The following PCSK5 variants were observed in gnomAD, a reference collection of about 807,000 sequenced individuals.
PCSK5 encodes the protein prohormone convertase 5.
PCSK5 carries 129 observed loss-of-function variants against 233.2 expected under a neutral mutation model. The ratio of observed to expected loss-of-function variants is 0.55; its 90% CI spans 0.48 to 0.64. PCSK5 has a LOEUF of 0.64. Among genes scored for constraint, PCSK5 ranks in the 30% least tolerant of loss-of-function variants. The pLI is 0.00. For missense variants in PCSK5, 2,076 were observed against 2,430.1 expected (o/e 0.85, Z 3.06); for synonymous variants, 825 against 879.2 (o/e 0.94, Z 1.09).
At chr9:76,014,103 A>G (rs1380524350) in intron 3 of PCSK5, among the ~76,000 whole-genome samples, 1 of 152,140 alleles carries the variant, frequency 6.6e-6, no homozygotes, top group Non-Finnish European at 1.5e-5. Flanking sequence ...GTTTCTCAGC[A>G]GATTTATGCT....
intron 3 of PCSK5, among the ~76,000 whole-genome samples, chr9:76,012,342 A>G (rs1224413112): frequency 6.6e-6 from 1 of 152,240 alleles, no homozygotes; most frequent in Non-Finnish European, 1.5e-5. Context: ...GTTCACATGA[A>G]TGAAAAAGCC....
At chr9:76,026,353 A>T (rs530899254) in intron 4 of PCSK5, among the ~76,000 whole-genome samples, 1 of 152,158 alleles carries the variant, frequency 6.6e-6, no homozygotes, top group Admixed American at 6.5e-5. Flanking sequence ...TATTAGTAGA[A>T]TGTCTAAATT....
chr9:76,244,907 G>A (rs959974812), intron 24 of PCSK5, among the ~76,000 whole-genome samples: 13 of 152,148 alleles, frequency 8.5e-5, no homozygotes, highest in African/African-American at 3.1e-4. Context: ...TCTGCTCCAA[G>A]AATATTTGAT....
intron 21 of PCSK5, 51 bp downstream of exon 21, chr9:76,227,656 G>A: frequency 8.3e-7 from 1 of 1,200,936 alleles, no homozygotes; most frequent in East Asian, 2.4e-5. Context: ...GGATTGCAGG[G>A]TGGAGAGAGG....
chr9:76,184,576 G>A, intron 16 of PCSK5, 97 bp from the exon 17 acceptor site: 1 of 720,506 alleles, frequency 1.4e-6, no homozygotes, highest in Non-Finnish European at 2.4e-6. Context: ...AAGGCCATAG[G>A]TACTGTAGCA....
chr9:76,064,921 A>G lies in PCSK5; in HGVS notation c.633-3034A>G, dbSNP rs538622733. Among the ~76,000 whole-genome samples the G allele has an allele frequency of 3.9e-5, 6 of 152,378 alleles. No individual in the cohort carries two copies. In the South Asian group the frequency reaches 1.2e-3, roughly 32 times the overall value. On this transcript the variant is annotated intron_variant, in intron 5 of 37. Transcript: ENST00000674117. ...AGGCTGGCTTTGAACTCCTGGGCTC[A>G]AGTAATCCTCCTGACTTGGCCTCCC...
At chr9:76,235,446 A>T (rs1826223862) in intron 22 of PCSK5, among the ~76,000 whole-genome samples, 1 of 152,220 alleles carries the variant, frequency 6.6e-6, no homozygotes, top group South Asian at 2.1e-4. Flanking sequence ...AACTACTTGG[A>T]CCAATCTACC....
intron 24 of PCSK5, among the ~76,000 whole-genome samples, chr9:76,258,022 G>A (rs1207099471): frequency 6.6e-6 from 1 of 152,174 alleles, no homozygotes; most frequent in Admixed American, 6.5e-5. Context: ...ACCCAAGGAT[G>A]TCTACCTCTC....
intron 3 of PCSK5, among the ~76,000 whole-genome samples, chr9:76,008,722 A>C (rs2131447336): frequency 6.6e-6 from 1 of 152,286 alleles, no homozygotes; most frequent in South Asian, 2.1e-4. Flanking sequence ...AGCCTCCCAA[A>C]GTGCTGGGAT....
intron 1 of PCSK5, among the ~76,000 whole-genome samples, chr9:75,891,892 C>T (rs1825623235): frequency 6.6e-6 from 1 of 151,774 alleles, no homozygotes; most frequent in South Asian, 2.1e-4. Context: ...GCTGGAGACT[C>T]CGGAGGCGCG....
intron 3 of PCSK5, among the ~76,000 whole-genome samples, chr9:76,018,781 G>A (rs1450935573): frequency 6.6e-6 from 1 of 152,200 alleles, no homozygotes; most frequent in Non-Finnish European, 1.5e-5. Context: ...TAAGGAAAAA[G>A]TAGGTCTCTA....
Position 76,213,070 on chromosome 9 carries a change from A to G in PCSK5, c.2627-14433A>G, listed in dbSNP as rs1290742687. 2.0e-5 allele frequency among the ~76,000 whole-genome samples: 3 copies of G among 152,348 alleles called. No homozygotes were observed. The East Asian group carries it at 5.8e-4, about 29-fold the overall frequency. On this transcript the variant is annotated intron_variant, in intron 20 of 37. Transcript: ENST00000674117. ...GAGCAGAGAACTAGGCAGGACATGT[A>G]TCATTGTCATTTCCACAGAAGTGAC... is the stretch of plus-strand genomic sequence containing the variant.
At chr9:76,040,333 C>G (rs200324804) in intron 5 of PCSK5, among the ~76,000 whole-genome samples, 19 of 25,760 alleles carry the variant, frequency 7.4e-4, no homozygotes, top group African/African-American at 4.3e-3. Flanking sequence ...CTGTCTCTCT[C>G]TCTCTCTCTC....
At chr9:76,131,280 A>G (rs1197808805) in intron 9 of PCSK5, among the ~76,000 whole-genome samples, 1 of 152,156 alleles carries the variant, frequency 6.6e-6, no homozygotes. Context: ...ATAAACCATA[A>G]TGTCCAGCAA....
intron 12 of PCSK5, among the ~76,000 whole-genome samples, chr9:76,162,375 A>T (rs1822899722): frequency 6.6e-6 from 1 of 152,196 alleles, no homozygotes; most frequent in African/African-American, 2.4e-5. Context: ...ACCTAGTGGC[A>T]AGGAGGCCTC....
intron 2 of PCSK5, among the ~76,000 whole-genome samples, chr9:75,972,626 ATTC>A (rs1278022550): frequency 3.3e-5 from 5 of 152,040 alleles, no homozygotes; most frequent in Admixed American, 2.6e-4. Context: ...TAGGTATTTT[ATTC>A]TTTGTAGCCA....
At chr9:76,064,852 TC>T (rs1175307232) in intron 5 of PCSK5, among the ~76,000 whole-genome samples, 3 of 152,164 alleles carry the variant, frequency 2.0e-5, no homozygotes, top group African/African-American at 7.2e-5. Context: ...CTAGATGTGA[TC>T]TCTTTTTTAT....
chr9:76,064,511 ACC>A (rs1244536871), intron 5 of PCSK5, among the ~76,000 whole-genome samples: 1 of 131,660 alleles, frequency 7.6e-6, no homozygotes, highest in Admixed American at 7.5e-5. Flanking sequence ...GGGGGGCTGA[ACC>A]CCCCCAACCT....
chr9:76,113,405 A>G lies in PCSK5; in HGVS notation c.1208+6054A>G, dbSNP rs369184275. ...CCATCTGCATTTCTTGTAAACCTAA[A>G]AAGTCCGTCTATATAAATCTTACAT... On this transcript the variant is annotated intron_variant, in intron 9 of 37. Transcript: ENST00000674117. Among the ~76,000 whole-genome samples the G allele has an allele frequency of 3.9e-5, 6 of 152,298 alleles. No individual in the cohort carries two copies. In the East Asian group the frequency reaches 9.6e-4, roughly 24 times the overall value.
Sources: allele counts gnomAD v4.1 joint callset (sites outside exome capture counted in the v4.1 genomes callset), GRCh38; gene constraint gnomAD v4.1.1; transcripts MANE v1.5; gene names NCBI Gene and HGNC (gene_info 2026-07-23, HGNC 2026-07-21).